SHANK2: variants seen among roughly 807,000 people sequenced by gnomAD.
SHANK2 encodes the protein SH3 and multiple ankyrin repeat domains protein 2.
Under a neutral mutation model 133.7 loss-of-function variants are expected in SHANK2, and 43 were observed. The ratio of observed to expected loss-of-function variants is 0.32; its 90% CI spans 0.25 to 0.41. SHANK2 has a LOEUF of 0.41. Among genes scored for constraint, SHANK2 ranks in the 10% least tolerant of loss-of-function variants. The probability of loss-of-function intolerance (pLI) is 1.00; values close to 1 mark genes in which losing one functional copy is unlikely to be tolerated. For synonymous variants in SHANK2, 1,017 were observed against 952.8 expected, an observed-to-expected ratio of 1.07 and a Z score of -1.24; for missense variants, 1,994 against 2,235.8, an observed-to-expected ratio of 0.89 and a Z score of 2.18.
chr11:70,656,613 A>G lies in SHANK2; in HGVS notation c.2061+3215T>C, dbSNP rs527667968. 9.3e-4 allele frequency among the ~76,000 whole-genome samples: 142 copies of G among 152,194 alleles called. 2 individuals carry two copies. The highest frequency in any genetic ancestry group is 3.3e-3 in the African/African-American group (136 of 41,530). Reference sequence around the variant, plus strand: ...TCTATCCTGGGAATTCCGGCACACTAGCTGATCTGAAATGGCAAATCGCAC... The same window carrying G: ...TCTATCCTGGGAATTCCGGCACACTGGCTGATCTGAAATGGCAAATCGCAC... On this transcript the variant is annotated intron_variant, in intron 17 of 25. Transcript: ENST00000601538.
rs957857462 is a variant in SHANK2, at chr11:70,888,527, G to A, written c.1174+7974C>T. 2.6e-4 allele frequency among the ~76,000 whole-genome samples: 39 copies of A among 152,284 alleles called. 2 individuals are homozygous for A. The highest frequency in any genetic ancestry group is 2.5e-3 in the Admixed American group (38 of 15,284). ...AGGCAGGTTTGAGGTCAAGAACAGA[G>A]AGTAGGGCCGAGCGCGGTGGTTCAC... On this transcript the variant is annotated intron_variant, in intron 11 of 25. Transcript: ENST00000601538.
intron 17 of SHANK2, among the ~76,000 whole-genome samples, chr11:70,602,824 A>T (rs535285663): frequency 6.6e-6 from 1 of 152,366 alleles, no homozygotes; most frequent in Non-Finnish European, 1.5e-5. Context: ...AAACAAATAC[A>T]TGCATGATGT....
chr11:71,167,895 C>G (rs1449993756), intron 2 of SHANK2, among the ~76,000 whole-genome samples: 1 of 148,692 alleles, frequency 6.7e-6, no homozygotes, highest in Non-Finnish European at 1.5e-5. Flanking sequence ...CCTCACCTCC[C>G]GGACAGGGCG....
intron 2 of SHANK2, among the ~76,000 whole-genome samples, chr11:71,169,782 G>A (rs1953273052): frequency 6.7e-6 from 1 of 150,174 alleles, no homozygotes; most frequent in Admixed American, 6.6e-5. Context: ...AAGAGAATGT[G>A]TGTAAAACTA....
chr11:70,661,336 A>T (rs542217436), intron 16 of SHANK2, among the ~76,000 whole-genome samples: 1 of 152,162 alleles, frequency 6.6e-6, no homozygotes, highest in Non-Finnish European at 1.5e-5. Context: ...ATTCAGAACA[A>T]CATCATCTAC....
At chr11:71,085,593 AAT>A (rs878883448) in intron 8 of SHANK2, among the ~76,000 whole-genome samples, 13 of 81,226 alleles carry the variant, frequency 1.6e-4, no homozygotes, top group Admixed American at 4.5e-4. Context: ...TATATTATAT[AAT>A]ATATATATTA....
chr11:70,877,384 C>T (rs936724959), intron 11 of SHANK2, among the ~76,000 whole-genome samples: 4 of 152,198 alleles, frequency 2.6e-5, no homozygotes, highest in Non-Finnish European at 5.9e-5. Context: ...CTGGGTCTGC[C>T]GGCATACGTC....
At chr11:70,873,150 G>C (rs1168798582) in intron 11 of SHANK2, 1 of 468,802 alleles carries the variant, frequency 2.1e-6, no homozygotes. Context: ...CTAAAACAAA[G>C]AGCCGTTGCC....
intron 17 of SHANK2, among the ~76,000 whole-genome samples, chr11:70,507,418 A>G (rs2059149890): frequency 6.6e-6 from 1 of 152,192 alleles, no homozygotes; most frequent in African/African-American, 2.4e-5. Context: ...CCCTGTATCA[A>G]TATAAGCTTC....
At chr11:70,951,018 C>T in intron 10 of SHANK2, 1 of 230,388 alleles carries the variant, frequency 4.3e-6, no homozygotes, top group East Asian at 1.3e-4. Context: ...ATATGTGATG[C>T]TATGCAAACT....
intron 11 of SHANK2, among the ~76,000 whole-genome samples, chr11:70,867,841 T>C (rs1262202246): frequency 6.6e-6 from 1 of 152,234 alleles, no homozygotes; most frequent in Non-Finnish European, 1.5e-5. Flanking sequence ...CCGCCTCCAC[T>C]GCTCCTGCAC....
At chr11:70,842,975 T>C (rs1053855166) in intron 11 of SHANK2, among the ~76,000 whole-genome samples, 1 of 152,094 alleles carries the variant, frequency 6.6e-6, no homozygotes, top group Non-Finnish European at 1.5e-5. Context: ...CGCAGTGTCA[T>C]ACCCCTAACA....
At chr11:70,656,784 G>A (rs1415572177) in intron 17 of SHANK2, among the ~76,000 whole-genome samples, 3 of 152,208 alleles carry the variant, frequency 2.0e-5, no homozygotes, top group Non-Finnish European at 4.4e-5. Context: ...TCTGGAGATA[G>A]CTCAAAGCCT....
chr11:70,762,283 C>T (rs1947012534), intron 14 of SHANK2, among the ~76,000 whole-genome samples: 1 of 152,086 alleles, frequency 6.6e-6, no homozygotes, highest in Non-Finnish European at 1.5e-5. Flanking sequence ...AAAATGAAGC[C>T]CATGTCAATC....
rs562629843 is a variant in SHANK2 at position 70,778,281 on chromosome 11, G to A, written c.1777+20162C>T. ...GGCCAGGGTACACCCTTGTCAAGTA[G>A]CAGTCTCTGCCTTCGGCTCACACAA... On this transcript the variant is annotated intron_variant, in intron 14 of 25. Coordinates refer to ENST00000601538, the MANE Select transcript of SHANK2 (RefSeq NM_012309.5). Among the ~76,000 whole-genome samples the A allele has an allele frequency of 2.6e-5, 4 of 152,356 alleles. No individual in the cohort carries two copies. In the South Asian group the frequency reaches 6.2e-4, roughly 24 times the overall value.
chr11:71,228,117 C>T (rs1369267201), intron 1 of SHANK2, among the ~76,000 whole-genome samples: 1 of 151,642 alleles, frequency 6.6e-6, no homozygotes, highest in Non-Finnish European at 1.5e-5. Flanking sequence ...TAAGGGAATA[C>T]TAAATCAGCT....
intron 17 of SHANK2, among the ~76,000 whole-genome samples, chr11:70,512,130 T>C (rs192599894): frequency 9.4e-4 from 143 of 152,358 alleles, no homozygotes; most frequent in African/African-American, 3.2e-3. Flanking sequence ...TGTGGCACTA[T>C]GGTGATTTTG....
chr11:70,781,415 C>A (rs1947484988), intron 14 of SHANK2, among the ~76,000 whole-genome samples: 1 of 151,090 alleles, frequency 6.6e-6, no homozygotes, highest in Non-Finnish European at 1.5e-5. Flanking sequence ...CCAACCCAGG[C>A]ATCTCTGAGA....
At chr11:71,193,666 C>A (rs116083579) in intron 2 of SHANK2, among the ~76,000 whole-genome samples, 1 of 152,164 alleles carries the variant, frequency 6.6e-6, no homozygotes, top group Non-Finnish European at 1.5e-5. Flanking sequence ...GGCACCTGCA[C>A]GAGTTGGCCA....
Sources: allele counts gnomAD v4.1 joint callset (sites outside exome capture counted in the v4.1 genomes callset), GRCh38; gene constraint gnomAD v4.1.1; transcripts MANE v1.5; gene names NCBI Gene and HGNC (gene_info 2026-07-23, HGNC 2026-07-21).